The following ZFP3 variants were observed in gnomAD, a reference collection of about 807,000 sequenced individuals.
ZFP3 encodes the protein zinc finger protein 3 homolog.
A neutral mutation model predicts 36.7 loss-of-function variants in ZFP3; 18 were observed. That is an observed-to-expected ratio of 0.49 (90% CI 0.34 to 0.73). The LOEUF is 0.73. Among genes scored for constraint, ZFP3 ranks in the 30% least tolerant of loss-of-function variants. The pLI is 0.01. For missense variants in ZFP3, 495 were observed against 599.0 expected (o/e 0.83, Z 1.81); for synonymous variants, 218 against 199.0 (o/e 1.10, Z -0.81).
At chr17:5,081,813 G>C (rs2072095033) in intron 1 of ZFP3, among the ~76,000 whole-genome samples, 1 of 150,834 alleles carries the variant, frequency 6.6e-6, no homozygotes, top group Admixed American at 6.6e-5. Context: ...GTAATAGGCA[G>C]GATGGTCTCG....
At chr17:5,081,194 C>T (rs2072091534) in intron 1 of ZFP3, among the ~76,000 whole-genome samples, 2 of 151,678 alleles carry the variant, frequency 1.3e-5, no homozygotes, top group Non-Finnish European at 2.9e-5. Context: ...CCGGGCTTCA[C>T]ACCATTCTCC....
chr17:5,087,077 ATTTT>A (rs35379036), intron 1 of ZFP3, among the ~76,000 whole-genome samples: 4 of 101,550 alleles, frequency 3.9e-5, no homozygotes, highest in African/African-American at 1.2e-4. Context: ...ACTGCATTTG[ATTTT>A]TTTTTTTTTT....
Position 5,092,846 on chromosome 17 carries a change from C to A in ZFP3, c.1342C>A (p.Pro448Thr). 1 of 1,614,132 alleles carries A rather than the reference C, an allele frequency of 6.2e-7. No homozygotes were observed. The highest frequency in any genetic ancestry group is 8.5e-7 in the Non-Finnish European group (1 of 1,180,028). Reference protein sequence around the residue: ...LHQKIHIGEKPYECSECEKTF... With the variant: ...LHQKIHIGEKTYECSECEKTF... ...CCAGAAAATTCATATTGGAGAGAAA[C>A]CTTATGAATGTAGCGAGTGTGAGAA... is the stretch of plus-strand genomic sequence containing the variant. Residue 448 changes from proline (P) to threonine (T), a missense_variant, in exon 2 of 2, where the codon CCT becomes ACT. By Grantham distance (38) the Pro-to-Thr change is conservative (BLOSUM62 -1). This residue lies in a region of ZFP3 where 163 missense variants were observed against 178.4 expected (regional missense o/e 0.91). Transcript: ENST00000318833. This position sits in a 1 kb window ranked among gnomAD's most constrained non-coding sequence, Gnocchi z 5.0.
At chr17:5,090,794 C>A (rs960497223) in intron 1 of ZFP3, among the ~76,000 whole-genome samples, 4 of 152,096 alleles carry the variant, frequency 2.6e-5, no homozygotes, top group African/African-American at 4.8e-5. Flanking sequence ...CCTCAGCCCC[C>A]CAAGAAGCTG....
At chr17:5,081,093 C>CT (rs71367880) in intron 1 of ZFP3, among the ~76,000 whole-genome samples, 35,785 of 141,324 alleles carry the variant, frequency 0.25, 4,711 homozygotes, top group African/African-American at 0.3. Flanking sequence ...TGTTTCTGTT[C>CT]TTTTTTTTTT....
chr17:5,091,550 G>T lies in ZFP3; in HGVS notation c.46G>T (p.Glu16Ter). Residue 16 changes from glutamate to a stop codon, truncating the protein, a stop_gained, in exon 2 of 2, where the codon GAA (glutamate) becomes TAA (stop). Coordinates refer to ENST00000318833, the MANE Select transcript of ZFP3 (RefSeq NM_153018.3). LOFTEE classifies it high-confidence loss of function. ...GGTGATTCCCAAGGAAGAAATTTCT[G>T]AAGAATCTGAGCCACATGGGTCATT... Reference protein sequence around the residue: ...KEVIPKEEISEESEPHGSLLE... With the variant: ...KEVIPKEEIS 6 of 1,614,178 alleles carry T rather than the reference G, an allele frequency of 3.7e-6. No homozygotes were observed. The highest frequency in any genetic ancestry group is 5.1e-6 in the Non-Finnish European group (6 of 1,180,020).
chr17:5,093,901 C>T lies in ZFP3; in HGVS notation c.*888C>T, dbSNP rs1224073317. On this transcript the variant is annotated 3_prime_UTR_variant, in exon 2 of 2. Coordinates refer to ENST00000318833, the MANE Select transcript of ZFP3 (RefSeq NM_153018.3). Reference sequence around the variant, plus strand: ...CACTGCTCGGCATGGGCAGAAGCAGCTCTTCAGGAGCTGTCCACACTTCAG... The same window carrying T: ...CACTGCTCGGCATGGGCAGAAGCAGTTCTTCAGGAGCTGTCCACACTTCAG... 1.2e-5 allele frequency: 2 copies of T among 167,186 alleles called. No homozygotes were observed. Among genetic ancestry groups the T allele is most frequent in the African/African-American group, 4.8e-5 (2 of 41,470 alleles). The allele number at this position is 167,186 out of a possible 1,614,324, so 10.4% of individuals were successfully genotyped here. A position where few individuals can be genotyped will look rare whatever the true frequency, so the allele number is the denominator to read the frequency against.
rs1427791575 is a variant in ZFP3 at position 5,096,051 on chromosome 17, C to T, written c.*3038C>T. 1 of 167,080 alleles carries T rather than the reference C, an allele frequency of 6.0e-6. No individual in the cohort carries two copies. Among genetic ancestry groups the T allele is most frequent in the African/African-American group, 2.4e-5 (1 of 41,452 alleles). 10.3% of individuals were successfully genotyped at this position (167,080 alleles called of 1,614,324 possible). Reference sequence around the variant, plus strand: ...CCTCAATTCTCTGTCCTCTTCATGTCTTACCCAGATATCTCAGGAAGATTT... The same window carrying T: ...CCTCAATTCTCTGTCCTCTTCATGTTTTACCCAGATATCTCAGGAAGATTT... On this transcript the variant is annotated 3_prime_UTR_variant, in exon 2 of 2. Coordinates refer to ENST00000318833, the MANE Select transcript of ZFP3 (RefSeq NM_153018.3).
chr17:5,092,548 G>GA lies in ZFP3; in HGVS notation c.1046dup (p.Asn349LysfsTer6). 1 of 1,614,140 alleles carries GA rather than the reference G, an allele frequency of 6.2e-7. No individual in the cohort carries two copies. The highest frequency in any genetic ancestry group is 8.5e-7 in the Non-Finnish European group (1 of 1,180,028). Reference sequence around the variant, plus strand: ...ATGAATGTGGGAAAACTTTTGGCCAGAACTCAGAGATTATTAGACATATTA... The same window carrying GA: ...ATGAATGTGGGAAAACTTTTGGCCAGAAACTCAGAGATTATTAGACATATTA... On this transcript the variant is annotated frameshift_variant, in exon 2 of 2. Coordinates refer to ENST00000318833, the MANE Select transcript of ZFP3 (RefSeq NM_153018.3). LOFTEE classifies it high-confidence loss of function. The surrounding 1 kb of genome is among the most constrained non-coding windows in gnomAD (Gnocchi z 5.0).
chr17:5,091,882 A>G lies in ZFP3; in HGVS notation c.378A>G (p.Leu126=), dbSNP rs1286891107. 5 of 1,614,252 alleles carry G rather than the reference A, an allele frequency of 3.1e-6. No individual in the cohort carries two copies. The Admixed American group carries it at 6.7e-5, about 22-fold the overall frequency. The change falls in exon 2 of 2, where the codon TTA becomes TTG. Residue 126 remains leucine, a synonymous_variant. Transcript: ENST00000318833. ...ATSGQNFLEI[L]ESNKTQRSSV... ...CTGGCCAAAACTTCCTAGAGATTTT[A>G]GAATCTAACAAAACACAGAGAAGTT... is the stretch of plus-strand genomic sequence containing the variant.
chr17:5,081,842 C>A (rs1329374778), intron 1 of ZFP3, among the ~76,000 whole-genome samples: 1 of 149,798 alleles, frequency 6.7e-6, no homozygotes, highest in Non-Finnish European at 1.5e-5. Flanking sequence ...ACCTCGTGAT[C>A]CACCCGCCTC....
intron 1 of ZFP3, among the ~76,000 whole-genome samples, chr17:5,084,082 T>A (rs1458930673): frequency 6.6e-6 from 1 of 151,932 alleles, no homozygotes; most frequent in Non-Finnish European, 1.5e-5. Context: ...GCCAGGCTGG[T>A]CTTGAACTCC....
At chr17:5,090,771 A>G (rs1015122851) in intron 1 of ZFP3, among the ~76,000 whole-genome samples, 1 of 152,000 alleles carries the variant, frequency 6.6e-6, no homozygotes. Context: ...CCCTGGTTCA[A>G]GCAATTGTCC....
At chr17:5,085,151 T>G (rs2072114208) in intron 1 of ZFP3, among the ~76,000 whole-genome samples, 1 of 152,040 alleles carries the variant, frequency 6.6e-6, no homozygotes, top group African/African-American at 2.4e-5. Flanking sequence ...GCGATTCTCC[T>G]GCCTCAGCCT....
chr17:5,079,427 G>A (rs1464573420), intron 1 of ZFP3, among the ~76,000 whole-genome samples: 8 of 152,214 alleles, frequency 5.3e-5, no homozygotes, highest in Non-Finnish European at 1.0e-4. Flanking sequence ...CTACTTGGGA[G>A]GCTGAGGTGG....
chr17:5,089,940 G>C (rs576708086), intron 1 of ZFP3, among the ~76,000 whole-genome samples: 28 of 152,234 alleles, frequency 1.8e-4, no homozygotes, highest in African/African-American at 6.5e-4. Flanking sequence ...TTACAGGTGT[G>C]AGCCACCACA....
chr17:5,083,501 G>A (rs955869196), intron 1 of ZFP3, among the ~76,000 whole-genome samples: 4 of 150,012 alleles, frequency 2.7e-5, no homozygotes, highest in African/African-American at 9.8e-5. Context: ...AGCCAGGATT[G>A]CACCACTGCA....
rs2072164131 is a variant in ZFP3, at chr17:5,093,742, A to G, written c.*729A>G. ...GAAGCAGGCTCATTTCACATCTGTC[A>G]GGCTTCCTTATTCATCTGAAGAGGC... On this transcript the variant is annotated 3_prime_UTR_variant, in exon 2 of 2. Coordinates refer to ENST00000318833, the MANE Select transcript of ZFP3 (RefSeq NM_153018.3). 6.0e-6 allele frequency: 1 copy of G among 167,122 alleles called. No individual in the cohort carries two copies. The highest frequency in any genetic ancestry group is 1.5e-5 in the Non-Finnish European group (1 of 68,134). 10.4% of individuals were successfully genotyped at this position (167,122 alleles called of 1,614,324 possible).
rs1019900023 is a variant in ZFP3 at position 5,091,805 on chromosome 17, C to G, written c.301C>G (p.Leu101Val). The G allele has an allele frequency of 1.9e-6, 3 of 1,614,202 alleles. No homozygotes were observed. The highest frequency in any genetic ancestry group is 2.5e-6 in the Non-Finnish European group (3 of 1,180,046). The change falls in exon 2 of 2, where the codon CTG (leucine) becomes GTG (valine). Residue 101 changes from leucine (L) to valine (V), a missense_variant. By Grantham distance (32) the Leu-to-Val change is conservative. Transcript: ENST00000318833. ...GAGAGGCTGCAGTCCCAGCCCAAATCTGGTTACACATCAGGGAGATACAAC... is the reference window on the plus strand; with the variant it reads ...GAGAGGCTGCAGTCCCAGCCCAAATGTGGTTACACATCAGGGAGATACAAC... ...SERGCSPSPN[L>V]VTHQGDTTEG...
Sources: gnomAD v4.1 joint callset for allele counts (sites outside exome capture counted in the v4.1 genomes callset) on GRCh38, gnomAD v4.1.1 for gene constraint, gnomAD v4.1.1 regional missense constraint, Gnocchi (gnomAD v3.1) non-coding constraint, MANE v1.5 for transcripts, NCBI Gene and HGNC (gene_info 2026-07-23, HGNC 2026-07-21) for gene names.